FAM135B: variants seen among roughly 807,000 people sequenced by gnomAD.
FAM135B encodes protein FAM135B.
FAM135B carries 43 observed loss-of-function variants against 127.7 expected under a neutral mutation model. The ratio of observed to expected loss-of-function variants is 0.34; its 90% CI spans 0.26 to 0.43. The LOEUF (loss-of-function observed/expected upper bound fraction) is 0.43, where lower values mean the gene tolerates loss of function less well. Among genes scored for constraint, FAM135B ranks in the 20% least tolerant of loss-of-function variants. The pLI is 1.00. For synonymous variants in FAM135B, 670 were observed against 665.1 expected (o/e 1.01, Z -0.11); for missense variants, 1,558 against 1,725.6 (o/e 0.90, Z 1.72).
At chr8:138,191,923 C>T (rs35502749) in intron 9 of FAM135B, among the ~76,000 whole-genome samples, 1 of 152,208 alleles carries the variant, frequency 6.6e-6, no homozygotes, top group Admixed American at 6.5e-5. Flanking sequence ...GACTTCATCT[C>T]TATTCCCTGC....
intron 1 of FAM135B, among the ~76,000 whole-genome samples, chr8:138,420,758 T>C (rs1162523833): frequency 1.3e-5 from 2 of 152,068 alleles, no homozygotes; most frequent in African/African-American, 4.8e-5. Flanking sequence ...ATCATCTCAA[T>C]AGGCACAGAA....
intron 9 of FAM135B, among the ~76,000 whole-genome samples, chr8:138,188,731 C>T (rs1022224779): frequency 6.6e-6 from 1 of 152,282 alleles, no homozygotes; most frequent in Middle Eastern, 3.4e-3. Context: ...CAGCCTTGCA[C>T]CTCACGCCTT....
At chr8:138,415,472 C>G (rs1218701977) in intron 1 of FAM135B, among the ~76,000 whole-genome samples, 1 of 152,148 alleles carries the variant, frequency 6.6e-6, no homozygotes, top group Non-Finnish European at 1.5e-5. Flanking sequence ...CAGTATGGAA[C>G]TTTCCAGGCC....
At chr8:138,402,067 T>C (rs1833184077) in intron 1 of FAM135B, among the ~76,000 whole-genome samples, 2 of 151,552 alleles carry the variant, frequency 1.3e-5, no homozygotes, top group Admixed American at 1.3e-4. Flanking sequence ...AGACAGAGAG[T>C]GAGAACTGGT....
At chr8:138,174,563 C>T (rs1814253584) in intron 11 of FAM135B, among the ~76,000 whole-genome samples, 2 of 152,124 alleles carry the variant, frequency 1.3e-5, no homozygotes, top group South Asian at 4.1e-4. Context: ...GATGACCTGG[C>T]AAAAAGTTTA....
chr8:138,469,593 G>A (rs1837567667), intron 1 of FAM135B, among the ~76,000 whole-genome samples: 1 of 152,188 alleles, frequency 6.6e-6, no homozygotes, highest in East Asian at 1.9e-4. Context: ...GATACCAAGA[G>A]ATGGTTACAG....
intron 7 of FAM135B, among the ~76,000 whole-genome samples, chr8:138,204,630 C>T (rs989601276): frequency 1.1e-4 from 16 of 152,244 alleles, no homozygotes; most frequent in African/African-American, 3.6e-4. Context: ...ACTTTGGAAT[C>T]GTGGAACATT....
At chr8:138,278,644 A>G (rs1468689721) in intron 3 of FAM135B, among the ~76,000 whole-genome samples, 2 of 138,918 alleles carry the variant, frequency 1.4e-5, no homozygotes, top group Non-Finnish European at 3.0e-5. Flanking sequence ...GCTCACTGCA[A>G]CTTCCACCTC....
chr8:138,261,891 G>T (rs542896849), intron 4 of FAM135B, among the ~76,000 whole-genome samples: 1 of 152,296 alleles, frequency 6.6e-6, no homozygotes, highest in Non-Finnish European at 1.5e-5. Context: ...TGGCCAACTG[G>T]CTATCAGCAG....
At chr8:138,372,018 T>C (rs963856711) in intron 1 of FAM135B, among the ~76,000 whole-genome samples, 2 of 152,210 alleles carry the variant, frequency 1.3e-5, no homozygotes, top group African/African-American at 4.8e-5. Context: ...ACAATGACAG[T>C]GATGACGGCT....
intron 3 of FAM135B, among the ~76,000 whole-genome samples, chr8:138,301,700 C>A (rs1391526591): frequency 6.6e-6 from 1 of 152,192 alleles, no homozygotes; most frequent in Admixed American, 6.5e-5. Context: ...TTAGCATCAC[C>A]TTCCTCATGA....
intron 2 of FAM135B, among the ~76,000 whole-genome samples, chr8:138,336,163 T>A (rs1006036901): frequency 3.9e-5 from 6 of 151,950 alleles, no homozygotes; most frequent in African/African-American, 1.4e-4. Flanking sequence ...AGGAAAGATC[T>A]AAAATTGACA....
At chr8:138,157,919 G>A (rs78319992) in intron 12 of FAM135B, among the ~76,000 whole-genome samples, 50,668 of 152,056 alleles carry the variant, frequency 0.33, 9,360 homozygotes, top group East Asian at 0.54. Flanking sequence ...AGCTACCAAT[G>A]ACTTTCTTCA....
chr8:138,206,441 C>T (rs1180941193), intron 7 of FAM135B, among the ~76,000 whole-genome samples: 1 of 140,054 alleles, frequency 7.1e-6, no homozygotes, highest in East Asian at 2.3e-4. Context: ...CTCTATCATC[C>T]CCTCCATCTA....
At chr8:138,280,473 G>T (rs1824179709) in intron 3 of FAM135B, among the ~76,000 whole-genome samples, 1 of 152,142 alleles carries the variant, frequency 6.6e-6, no homozygotes, top group African/African-American at 2.4e-5. Flanking sequence ...TTTATATGCT[G>T]CTGGGGGCTG....
intron 7 of FAM135B, among the ~76,000 whole-genome samples, chr8:138,238,297 A>T (rs1820459210): frequency 6.6e-6 from 1 of 152,184 alleles, no homozygotes; most frequent in Admixed American, 6.5e-5. Context: ...TTATAAGCTT[A>T]TTTCATTTAA....
chr8:138,159,620 G>A (rs1454018271), intron 12 of FAM135B, among the ~76,000 whole-genome samples: 1 of 133,116 alleles, frequency 7.5e-6, no homozygotes, highest in African/African-American at 2.7e-5. Flanking sequence ...GGGGGGAGGG[G>A]GGAGGGATAG....
intron 1 of FAM135B, among the ~76,000 whole-genome samples, chr8:138,382,101 T>C (rs2131289754): frequency 6.6e-6 from 1 of 152,252 alleles, no homozygotes; most frequent in Admixed American, 6.5e-5. Flanking sequence ...CAGCCATGAC[T>C]CAGCCCACGT....
At chr8:138,312,637 C>T (rs1416712232) in intron 2 of FAM135B, among the ~76,000 whole-genome samples, 1 of 152,186 alleles carries the variant, frequency 6.6e-6, no homozygotes, top group Non-Finnish European at 1.5e-5. Context: ...CTACTCCAGT[C>T]AAGAAACAGA....
Sources: gnomAD v4.1 joint callset for allele counts (sites outside exome capture counted in the v4.1 genomes callset) on GRCh38, gnomAD v4.1.1 for gene constraint, MANE v1.5 for transcripts, NCBI Gene and HGNC (gene_info 2026-07-23, HGNC 2026-07-21) for gene names.